The following GUCY1A2 variants were observed in gnomAD, a reference collection of about 807,000 sequenced individuals.
The protein encoded by GUCY1A2 is guanylate cyclase 1 soluble subunit alpha 2, also known as guanylate cyclase soluble subunit alpha-2.
Under a neutral mutation model 63.5 loss-of-function variants are expected in GUCY1A2, and 27 were observed. That is an observed-to-expected ratio of 0.43 (90% CI 0.31 to 0.59). The LOEUF (loss-of-function observed/expected upper bound fraction) is 0.59. Among genes scored for constraint, GUCY1A2 ranks in the 20% least tolerant of loss-of-function variants. The pLI, the probability that GUCY1A2 is intolerant of heterozygous loss-of-function variation, is 0.11. For missense variants in GUCY1A2, 768 were observed against 913.3 expected (o/e 0.84, Z 2.05); for synonymous variants, 364 against 343.5 (o/e 1.06, Z -0.66).
chr11:106,825,637 G>T (rs1434405548), intron 4 of GUCY1A2, among the ~76,000 whole-genome samples: 1 of 151,228 alleles, frequency 6.6e-6, no homozygotes, highest in Non-Finnish European at 1.5e-5. Flanking sequence ...CTCACTGAGT[G>T]ATACTTTAAG....
chr11:106,806,806 C>A (rs1037637671), intron 5 of GUCY1A2, among the ~76,000 whole-genome samples: 1 of 152,190 alleles, frequency 6.6e-6, no homozygotes, highest in African/African-American at 2.4e-5. Context: ...TCCACAGCTT[C>A]TTCCTCAACC....
chr11:106,806,725 C>A (rs976833267), intron 5 of GUCY1A2, among the ~76,000 whole-genome samples: 1 of 152,172 alleles, frequency 6.6e-6, no homozygotes. Context: ...ATTCATACAC[C>A]TGTAACATCT....
chr11:106,965,717 A>G (rs1861118704), intron 3 of GUCY1A2, among the ~76,000 whole-genome samples: 2 of 152,178 alleles, frequency 1.3e-5, no homozygotes, highest in Non-Finnish European at 2.9e-5. Flanking sequence ...CATGGCCAGC[A>G]CAGGCCTGGC....
At chr11:106,731,099 T>A in intron 6 of GUCY1A2, among the ~76,000 whole-genome samples, 1 of 152,174 alleles carries the variant, frequency 6.6e-6, no homozygotes, top group East Asian at 1.9e-4. Context: ...TTAGTTTAAT[T>A]AGATCTCCTT....
Position 106,727,365 on chromosome 11 carries a change from C to T in GUCY1A2, c.1837-18699G>A, listed in dbSNP as rs1485302574. 2.6e-5 allele frequency among the ~76,000 whole-genome samples: 4 copies of T among 152,198 alleles called. No individual in the cohort carries two copies. In the East Asian group the frequency reaches 5.8e-4, roughly 22 times the overall value. On this transcript the variant is annotated intron_variant, in intron 6 of 7. Transcript: ENST00000526355. ...AGCCCACCTTGAGAGTTTCCTGGCT[C>T]AGAGTCCTCTGAAGCAGGCTCACTG...
chr11:106,720,054 T>C (rs1221746723), intron 6 of GUCY1A2, among the ~76,000 whole-genome samples: 1 of 152,202 alleles, frequency 6.6e-6, no homozygotes, highest in African/African-American at 2.4e-5. Flanking sequence ...TTCCTTTATA[T>C]CTCCTGATGG....
intron 6 of GUCY1A2, among the ~76,000 whole-genome samples, chr11:106,722,103 G>T (rs540139168): frequency 6.6e-6 from 1 of 152,144 alleles, no homozygotes; most frequent in African/African-American, 2.4e-5. Context: ...GAAAGGAAAT[G>T]CTATGCCAGG....
intron 4 of GUCY1A2, among the ~76,000 whole-genome samples, chr11:106,851,244 G>T (rs1859350932): frequency 6.6e-6 from 1 of 151,560 alleles, no homozygotes; most frequent in South Asian, 2.1e-4. Flanking sequence ...TGTATAGTCT[G>T]TGTATTAGTC....
At chr11:106,842,452 T>C (rs78241831) in intron 4 of GUCY1A2, among the ~76,000 whole-genome samples, 118 of 152,154 alleles carry the variant, frequency 7.8e-4, no homozygotes, top group Middle Eastern at 6.8e-3. Context: ...CTGGACTGTC[T>C]ACTAAATAAA....
At chr11:106,751,853 C>T (rs993570179) in intron 6 of GUCY1A2, among the ~76,000 whole-genome samples, 12 of 152,032 alleles carry the variant, frequency 7.9e-5, no homozygotes, top group African/African-American at 2.4e-5. Flanking sequence ...AATTAACAAA[C>T]GTATATCAGG....
intron 3 of GUCY1A2, among the ~76,000 whole-genome samples, chr11:106,963,182 T>C (rs1252074513): frequency 6.6e-6 from 1 of 152,184 alleles, no homozygotes. Context: ...TGATGCATAC[T>C]GGCTATTTAA....
chr11:106,747,284 G>C (rs564955677), intron 6 of GUCY1A2, among the ~76,000 whole-genome samples: 1 of 146,352 alleles, frequency 6.8e-6, no homozygotes, highest in Non-Finnish European at 1.5e-5. Flanking sequence ...CACCGCGCCC[G>C]GCCCATGAAA....
chr11:106,994,853 ATTG>A (rs1215138318), intron 1 of GUCY1A2, among the ~76,000 whole-genome samples: 6 of 152,132 alleles, frequency 3.9e-5, no homozygotes, highest in East Asian at 1.9e-4. Flanking sequence ...TGAAAATGAG[ATTG>A]TTGTTTTCCC....
chr11:106,866,171 C>A (rs941179993), intron 4 of GUCY1A2, among the ~76,000 whole-genome samples: 7 of 151,656 alleles, frequency 4.6e-5, no homozygotes, highest in Non-Finnish European at 1.5e-5. Context: ...AGTAATGAAC[C>A]TGTTTGGGCC....
intron 6 of GUCY1A2, among the ~76,000 whole-genome samples, chr11:106,709,266 T>C (rs1862986206): frequency 9.9e-6 from 1 of 101,372 alleles, no homozygotes; most frequent in Non-Finnish European, 1.8e-5. Flanking sequence ...TATATAAATA[T>C]ATTTATATAT....
intron 3 of GUCY1A2, among the ~76,000 whole-genome samples, chr11:106,964,814 C>A (rs1022028145): frequency 6.6e-6 from 1 of 151,978 alleles, no homozygotes; most frequent in African/African-American, 2.4e-5. Context: ...CCCATCTCTA[C>A]TAAAAATACG....
chr11:106,803,122 A>C (rs1858633689), intron 5 of GUCY1A2, among the ~76,000 whole-genome samples: 1 of 152,180 alleles, frequency 6.6e-6, no homozygotes, highest in African/African-American at 2.4e-5. Context: ...ACTAAAAGAA[A>C]TGTTCTCTGA....
chr11:106,894,586 G>T (rs12362547), intron 4 of GUCY1A2, among the ~76,000 whole-genome samples: 14,481 of 152,110 alleles, frequency 0.095, 731 homozygotes, highest in East Asian at 0.13. Flanking sequence ...AAGACTAGAA[G>T]TCTTACAATG....
At chr11:106,733,438 C>T (rs541146852) in intron 6 of GUCY1A2, among the ~76,000 whole-genome samples, 1 of 152,276 alleles carries the variant, frequency 6.6e-6, no homozygotes, top group South Asian at 2.1e-4. Context: ...ACTCCTCAAA[C>T]ACTGGTCAAG....
Sources: gnomAD v4.1 joint callset for allele counts (sites outside exome capture counted in the v4.1 genomes callset) on GRCh38, gnomAD v4.1.1 for gene constraint, MANE v1.5 for transcripts, NCBI Gene and HGNC (gene_info 2026-07-23, HGNC 2026-07-21) for gene names.